Variants in TRIM49 observed in about 807,000 individuals in gnomAD.
The protein encoded by TRIM49 is tripartite motif-containing protein 49.
In TRIM49, 5 loss-of-function variants were observed where a neutral mutation model predicts 27.4. The observed-to-expected ratio is 0.18, with a 90% CI of 0.10 to 0.38. The LOEUF is 0.38. TRIM49 is among the 10% of genes least tolerant of loss of function. The pLI is 1.00. For synonymous variants in TRIM49, 69 were observed against 166.0 expected, an observed-to-expected ratio of 0.42 and a Z score of 4.49; for missense variants, 188 against 487.5, an observed-to-expected ratio of 0.39 and a Z score of 5.79.
chr11:89,790,281 A>C, the TRIM49 span, among the ~76,000 whole-genome samples: 1 of 140,282 alleles, frequency 7.1e-6, no homozygotes, highest in South Asian at 2.4e-4. Context: ...GGTGGAGCCC[A>C]CTGCAGCTCA....
At chr11:89,802,861 T>C (rs1032811647) in intron 4 of TRIM49, among the ~76,000 whole-genome samples, 4 of 149,650 alleles carry the variant, frequency 2.7e-5, no homozygotes, top group African/African-American at 7.5e-5. Context: ...ACATCATGTA[T>C]TGCATATATT....
At chr11:89,794,488 T>C (rs1949675311), downstream of TRIM49, among the ~76,000 whole-genome samples, 1 of 151,590 alleles carries the variant, frequency 6.6e-6, no homozygotes, top group Non-Finnish European at 1.5e-5. Context: ...CTTCAAACTA[T>C]ACTGCAAGGC....
At chr11:89,777,240 C>T in the TRIM49 span, 1 of 1,548,550 alleles carries the variant, frequency 6.5e-7, no homozygotes, top group Non-Finnish European at 8.7e-7. Flanking sequence ...ACATCAACAG[C>T]TCAGACAATA....
the TRIM49 span, among the ~76,000 whole-genome samples, chr11:89,770,531 T>G: frequency 1.4e-5 from 2 of 142,474 alleles, no homozygotes; most frequent in Non-Finnish European, 3.0e-5. Flanking sequence ...CCCAAATATA[T>G]TCTATACTAT....
downstream of TRIM49, among the ~76,000 whole-genome samples, chr11:89,795,788 TGAG>T (rs1949683580): frequency 6.7e-6 from 1 of 149,158 alleles, no homozygotes; most frequent in East Asian, 2.1e-4. Flanking sequence ...CTAATGTAAA[TGAG>T]GAGTTAATGG....
At chr11:89,791,692 C>G in the TRIM49 span, among the ~76,000 whole-genome samples, 1 of 152,032 alleles carries the variant, frequency 6.6e-6, no homozygotes, top group Non-Finnish European at 1.5e-5. Context: ...CAAGCAAATG[C>G]TGAGAGATTT....
chr11:89,790,913 A>G, the TRIM49 span, among the ~76,000 whole-genome samples: 2 of 152,170 alleles, frequency 1.3e-5, no homozygotes, highest in African/African-American at 4.8e-5. Context: ...GATTTTGACA[A>G]GTTGAGAGAA....
the TRIM49 span, chr11:89,787,768 G>A: frequency 3.2e-5 from 20 of 634,274 alleles, 1 homozygote; most frequent in African/African-American, 3.2e-4. Context: ...AACCCGAGGC[G>A]GAGGAGGCCG....
downstream of TRIM49, among the ~76,000 whole-genome samples, chr11:89,794,185 G>A (rs530545689): frequency 1.3e-4 from 16 of 121,582 alleles, no homozygotes; most frequent in Admixed American, 7.8e-4. Context: ...TTAAAGAGAC[G>A]TGAAGGACCT....
rs1161522313 is a variant in TRIM49, at chr11:89,802,958, C to G, written c.507+740G>C. On this transcript the variant is annotated intron_variant, in intron 4 of 7. Coordinates refer to ENST00000329758, the MANE Select transcript of TRIM49 (RefSeq NM_020358.2). ...CCTTTCTTCTTTACTAGTATATTTT[C>G]TAATTTAATATTCAACATAGACTAG... Among the ~76,000 whole-genome samples the G allele has an allele frequency of 1.6e-3, 248 of 150,328 alleles. 1 individual carries two copies. Among genetic ancestry groups the G allele is most frequent in the Non-Finnish European group, 2.9e-3 (195 of 67,570 alleles).
In TRIM49 at chr11:89,798,301, T is replaced by C. The variant is rs1312308981; in HGVS notation, c.1188A>G (p.Pro396=). The change falls in exon 8 of 8, where the codon CCA becomes CCG. Residue 396 remains proline (P), a synonymous_variant. Transcript: ENST00000329758. ...DIQCSLFTTS[P]LMLQYIPKPT... ...GTTTTGGGATATATTGCAGCATAAG[T>C]GGGGAGGTGGTAAAGAGACTGCATT... 1.1e-5 allele frequency: 17 copies of C among 1,574,736 alleles called. 1 individual carries two copies. The highest frequency in any genetic ancestry group is 1.5e-5 in the Non-Finnish European group (17 of 1,165,390).
chr11:89,787,530 C>T, the TRIM49 span: 1,480 of 562,198 alleles, frequency 2.6e-3, 44 homozygotes, highest in African/African-American at 0.033. Context: ...GCCCCGCTGC[C>T]GGGGTCCTGG....
Position 89,800,168 on chromosome 11 carries a change from G to C in TRIM49, c.762-355C>G, listed in dbSNP as rs527862108. Among the ~76,000 whole-genome samples, 147 of 151,326 alleles carry C rather than the reference G, an allele frequency of 9.7e-4. 5 individuals carry two copies. Among genetic ancestry groups the C allele is most frequent in the African/African-American group, 3.5e-3 (142 of 40,816 alleles). On this transcript the variant is annotated intron_variant, in intron 6 of 7. Transcript: ENST00000329758. ...ATAGCGGGGTTCTGGGGAGACTGAT[G>C]CATCCACTGCTTCCTTCTCAAGATA...
downstream of TRIM49, among the ~76,000 whole-genome samples, chr11:89,795,855 T>G (rs1428838955): frequency 1.3e-5 from 2 of 151,518 alleles, no homozygotes; most frequent in African/African-American, 4.9e-5. Flanking sequence ...CTGCACGTTG[T>G]GCACATGTAC....
the TRIM49 span, chr11:89,777,415 T>A: frequency 2.0e-6 from 3 of 1,535,298 alleles, no homozygotes; most frequent in Non-Finnish European, 2.6e-6. Flanking sequence ...GCAGTTTGAA[T>A]TATACAGAAT....
chr11:89,790,722 G>T, the TRIM49 span, among the ~76,000 whole-genome samples: 3 of 151,874 alleles, frequency 2.0e-5, no homozygotes, highest in East Asian at 1.9e-4. Context: ...CAAACAGAAA[G>T]GACATCCACA....
At chr11:89,768,239 A>G in the TRIM49 span, 4 of 1,492,426 alleles carry the variant, frequency 2.7e-6, no homozygotes, top group Non-Finnish European at 3.6e-6. Flanking sequence ...CCCTGTAGGG[A>G]ACTCTGGATT....
chr11:89,800,123 C>T (rs531715755), intron 6 of TRIM49, among the ~76,000 whole-genome samples: 4 of 150,884 alleles, frequency 2.7e-5, no homozygotes, highest in African/African-American at 4.9e-5. Flanking sequence ...TGGCAGACTC[C>T]CCTGACATCT....
At chr11:89,800,148 G>A (rs571787605) in intron 6 of TRIM49, among the ~76,000 whole-genome samples, 5 of 150,942 alleles carry the variant, frequency 3.3e-5, no homozygotes, top group East Asian at 1.9e-4. Flanking sequence ...CTGAAATAGC[G>A]GGGTTCTGGG....
Sources: gnomAD v4.1 joint callset for allele counts (sites outside exome capture counted in the v4.1 genomes callset) on GRCh38, gnomAD v4.1.1 for gene constraint, MANE v1.5 for transcripts, NCBI Gene and HGNC (gene_info 2026-07-23, HGNC 2026-07-21) for gene names.